SPEN: variants seen among roughly 807,000 people sequenced by gnomAD.
SPEN encodes the protein spen family transcriptional repressor.
SPEN carries 18 observed loss-of-function variants against 269.9 expected under a neutral mutation model. That is an observed-to-expected ratio of 0.07 (90% confidence interval 0.05 to 0.10). SPEN has a LOEUF of 0.10. Among genes scored for constraint, SPEN ranks in the 10% least tolerant of loss-of-function variants. The pLI is 1.00. For missense variants in SPEN, 3,822 were observed against 4,631.2 expected, an observed-to-expected ratio of 0.83 and a Z score of 5.07; for synonymous variants, 1,726 against 1,765.7, an observed-to-expected ratio of 0.98 and a Z score of 0.56.
At position 15,928,273 on chromosome 1, in the gene SPEN, G is replaced by A. The variant is rs1355240501; in HGVS notation, c.2033G>A (p.Arg678Gln). 6.2e-6 allele frequency: 10 copies of A among 1,614,134 alleles called. No homozygotes were observed. Among genetic ancestry groups the A allele is most frequent in the South Asian group, 2.2e-5 (2 of 91,072 alleles). Residue 678 changes from arginine (R) to glutamine (Q), a missense_variant, in exon 11 of 15, where the codon CGG becomes CAG. Transcript: ENST00000375759. This position sits in a 1 kb window ranked among gnomAD's most constrained non-coding sequence, Gnocchi z 5.7. ...GAATCACGATACTACGATGATCCTC[G>A]GGAATACAGGGATTACAGGAATGAT... ...YYESRYYDDP[R>Q]EYRDYRNDPY...
chr1:15,905,853 A>T (rs969317864), intron 3 of SPEN, among the ~76,000 whole-genome samples: 1 of 152,206 alleles, frequency 6.6e-6, no homozygotes, highest in African/African-American at 2.4e-5. Context: ...GATTACAGGC[A>T]TGAGCTACCG....
In SPEN at chr1:15,847,858, C is replaced by T; in HGVS notation, c.-210C>T. 1 of 268,168 alleles carries T rather than the reference C, an allele frequency of 3.7e-6. No individual in the cohort carries two copies. Among genetic ancestry groups the T allele is most frequent in the East Asian group, 6.1e-5 (1 of 16,506 alleles). The allele number at this position is 268,168 out of a possible 1,614,324, so 16.6% of individuals were successfully genotyped here. A position where few individuals can be genotyped will look rare whatever the true frequency, so the allele number is the denominator to read the frequency against. On this transcript the variant is annotated 5_prime_UTR_variant, in exon 1 of 15. Coordinates refer to ENST00000375759, the MANE Select transcript of SPEN (RefSeq NM_015001.3). ...GTCGGCTTCGGGTGTGTGGTGGCGG[C>T]AGAGCTGAGCTGCGAGGCCCGAGAG... is the stretch of plus-strand genomic sequence containing the variant.
At chr1:15,911,574 T>A (rs1205598721) in intron 5 of SPEN, among the ~76,000 whole-genome samples, 1 of 152,180 alleles carries the variant, frequency 6.6e-6, no homozygotes, top group Non-Finnish European at 1.5e-5. Context: ...TGTAGACCCT[T>A]ATTGAGTCCA....
chr1:15,873,768 G>A, intron 2 of SPEN: 1 of 1,019,408 alleles, frequency 9.8e-7, no homozygotes, highest in Non-Finnish European at 1.2e-6. Flanking sequence ...ACTCTTTGAT[G>A]GAATGGGGAA....
chr1:15,875,961 G>A (rs1347884379), intron 2 of SPEN, among the ~76,000 whole-genome samples: 4 of 152,190 alleles, frequency 2.6e-5, no homozygotes, highest in Admixed American at 2.6e-4. Flanking sequence ...GTGAGCTGCA[G>A]AACACTAGTC....
At chr1:15,889,973 C>T (rs1284413920) in intron 3 of SPEN, among the ~76,000 whole-genome samples, 1 of 152,058 alleles carries the variant, frequency 6.6e-6, no homozygotes, top group Non-Finnish European at 1.5e-5. Context: ...CCTCGGCCTC[C>T]CAAAGTGCTG....
In SPEN at chr1:15,848,917, GC is replaced by G. The variant is rs1343750998; in HGVS notation, c.83+773del. On this transcript the variant is annotated intron_variant, in intron 1 of 14. Coordinates refer to ENST00000375759, the MANE Select transcript of SPEN (RefSeq NM_015001.3). The surrounding 1 kb of genome is among the most constrained non-coding windows in gnomAD (Gnocchi z 5.1). ...TCCCAGGCCGCCCTAAGACCCTGGTGCCCCCCACCCCTGAATTCCCGAATCA... is the reference window on the plus strand; with the variant it reads ...TCCCAGGCCGCCCTAAGACCCTGGTGCCCCCACCCCTGAATTCCCGAATCA... Among the ~76,000 whole-genome samples the G allele has an allele frequency of 2.6e-5, 4 of 152,002 alleles. No homozygotes were observed. The highest frequency in any genetic ancestry group is 7.3e-5 in the African/African-American group (3 of 41,376).
At chr1:15,874,304 C>T in intron 2 of SPEN, 6 of 1,366,466 alleles carry the variant, frequency 4.4e-6, no homozygotes, top group Non-Finnish European at 5.9e-6. Context: ...GGATTACCCC[C>T]ATAAGAGGGG....
Position 15,932,848 on chromosome 1 carries a change from G to C in SPEN, c.6608G>C (p.Arg2203Thr). 2 of 1,614,248 alleles carry C rather than the reference G, an allele frequency of 1.2e-6. No homozygotes were observed. The highest frequency in any genetic ancestry group is 1.7e-6 in the Non-Finnish European group (2 of 1,180,040). The change falls in exon 11 of 15, where the codon AGG (arginine) becomes ACG (threonine). Residue 2203 changes from arginine (R) to threonine (T), a missense_variant. By Grantham distance (71) the Arg-to-Thr change is moderately conservative. Coordinates refer to ENST00000375759, the MANE Select transcript of SPEN (RefSeq NM_015001.3). The surrounding 1 kb of genome is among the most constrained non-coding windows in gnomAD (Gnocchi z 4.2). Reference sequence around the variant, plus strand: ...CCAGAGGGCCTTGCCCCAGAGGACAGGGACAAGCCTGCACACCAAGCAAGT... The same window carrying C: ...CCAGAGGGCCTTGCCCCAGAGGACACGGACAAGCCTGCACACCAAGCAAGT... ...DAPEGLAPED[R>T]DKPAHQASET...
rs184299667 is a variant in SPEN at position 15,881,768 on chromosome 1, G to A, written c.881+5090G>A. 1.8e-4 allele frequency among the ~76,000 whole-genome samples: 28 copies of A among 152,260 alleles called. No individual in the cohort carries two copies. In the East Asian group the frequency reaches 4.8e-3, roughly 26 times the overall value. On this transcript the variant is annotated intron_variant, in intron 3 of 14. Coordinates refer to ENST00000375759, the MANE Select transcript of SPEN (RefSeq NM_015001.3). ...TCTTTAATTATATTGAATTCAAAGT[G>A]TAATATTTTGAGATGTTATGAAATT...
intron 3 of SPEN, 164 bp downstream of exon 3, chr1:15,876,842 C>G: frequency 1.6e-6 from 1 of 631,410 alleles, no homozygotes; most frequent in South Asian, 2.0e-5. Context: ...ATTAACTGTT[C>G]TAAGTACTCG....
intron 2 of SPEN, among the ~76,000 whole-genome samples, chr1:15,875,551 G>GT (rs1013767256): frequency 2.6e-5 from 4 of 150,948 alleles, no homozygotes; most frequent in South Asian, 4.2e-4. Context: ...ACTTGAAGTG[G>GT]TTTTTTTTTG....
intron 3 of SPEN, among the ~76,000 whole-genome samples, chr1:15,907,353 G>A (rs545645113): frequency 4.6e-4 from 70 of 152,066 alleles, no homozygotes; most frequent in African/African-American, 1.6e-3. Flanking sequence ...ATGGTGGTGC[G>A]TGCCTGTAAT....
intron 8 of SPEN, 102 bp from the exon 9 acceptor site, chr1:15,920,768 A>AT: frequency 2.2e-6 from 1 of 447,838 alleles, no homozygotes; most frequent in Non-Finnish European, 3.9e-6. Flanking sequence ...ATAAAAATAT[A>AT]TTTTTTCTCA....
chr1:15,857,588 C>G (rs1030513973), intron 1 of SPEN, among the ~76,000 whole-genome samples: 20 of 152,202 alleles, frequency 1.3e-4, no homozygotes, highest in Admixed American at 1.0e-3. Flanking sequence ...AACTCCTGAC[C>G]TCAAGTGATC....
chr1:15,896,269 C>T (rs2148721545), intron 3 of SPEN, among the ~76,000 whole-genome samples: 1 of 137,166 alleles, frequency 7.3e-6, no homozygotes, highest in South Asian at 2.3e-4. Flanking sequence ...GATCTTGGCT[C>T]ACTGCAATCT....
At chr1:15,871,781 A>G (rs924314135) in intron 1 of SPEN, among the ~76,000 whole-genome samples, 1 of 152,214 alleles carries the variant, frequency 6.6e-6, no homozygotes, top group Non-Finnish European at 1.5e-5. Context: ...GTTTTCCAGT[A>G]CGATTGTCAC....
chr1:15,874,347 TC>T, intron 2 of SPEN: 1 of 1,366,408 alleles, frequency 7.3e-7, no homozygotes, highest in South Asian at 1.1e-5. Flanking sequence ...CACAATTCTC[TC>T]CCTAGATTTA....
intron 1 of SPEN, among the ~76,000 whole-genome samples, chr1:15,865,895 T>G (rs61627696): frequency 0.034 from 5,088 of 150,036 alleles, 295 homozygotes; most frequent in African/African-American, 0.12. Context: ...TTTTTGGAGA[T>G]GGAATCTCAC....
Sources: allele counts gnomAD v4.1 joint callset (sites outside exome capture counted in the v4.1 genomes callset), GRCh38; gene constraint gnomAD v4.1.1; non-coding constraint Gnocchi (gnomAD v3.1); transcripts MANE v1.5; gene names NCBI Gene and HGNC (gene_info 2026-07-23, HGNC 2026-07-21).